SLC10A6: variants seen among roughly 807,000 people sequenced by gnomAD.
SLC10A6 encodes solute carrier family 10 member 6, also known as sodium-dependent organic anion transporter.
Under a neutral mutation model 30.0 loss-of-function variants are expected in SLC10A6, and 27 were observed. That is an observed-to-expected ratio of 0.90 (90% CI 0.66 to 1.24). The LOEUF (loss-of-function observed/expected upper bound fraction) is 1.24. SLC10A6 is among the 50% of genes most tolerant of loss of function. The probability of loss-of-function intolerance (pLI) is 0.00; values close to 1 mark genes in which losing one functional copy is unlikely to be tolerated. For synonymous variants in SLC10A6, 166 were observed against 173.8 expected, an observed-to-expected ratio of 0.95 and a Z score of 0.36; for missense variants, 439 against 457.0, an observed-to-expected ratio of 0.96 and a Z score of 0.36.
chr4:86,838,919 A>G (rs1746246905), intron 1 of SLC10A6, among the ~76,000 whole-genome samples: 1 of 150,642 alleles, frequency 6.6e-6, no homozygotes, highest in Non-Finnish European at 1.5e-5. Context: ...TCTCAAAAAA[A>G]AAAAAAAAAA....
intron 1 of SLC10A6, among the ~76,000 whole-genome samples, chr4:86,837,850 T>TA (rs1746227212): frequency 6.6e-6 from 1 of 152,234 alleles, no homozygotes; most frequent in Admixed American, 6.5e-5. Flanking sequence ...AAGGCACAAA[T>TA]GACTGACAGA....
chr4:86,843,003 C>T (rs535945250), intron 1 of SLC10A6, among the ~76,000 whole-genome samples: 6 of 151,622 alleles, frequency 4.0e-5, no homozygotes, highest in South Asian at 2.1e-4. Flanking sequence ...TCCTGAGTAG[C>T]TGGCATTACA....
At chr4:86,830,885 C>G (rs1445958662) in intron 3 of SLC10A6, among the ~76,000 whole-genome samples, 1 of 152,148 alleles carries the variant, frequency 6.6e-6, no homozygotes, top group African/African-American at 2.4e-5. Flanking sequence ...CTTCTATCTG[C>G]TAAAGTGATA....
At chr4:86,829,218 C>A (rs1300192768) in intron 3 of SLC10A6, among the ~76,000 whole-genome samples, 1 of 152,062 alleles carries the variant, frequency 6.6e-6, no homozygotes, top group African/African-American at 2.4e-5. Flanking sequence ...CAAGACCATC[C>A]AGCCAACATG....
At chr4:86,839,922 T>A (rs540629190) in intron 1 of SLC10A6, among the ~76,000 whole-genome samples, 388 of 151,312 alleles carry the variant, frequency 2.6e-3, no homozygotes, top group East Asian at 0.014. Flanking sequence ...TTTTATTTTT[T>A]TTTTTTAGCT....
At chr4:86,837,290 A>AAAGAAAGAGAAAGG (rs1746211407) in intron 1 of SLC10A6, among the ~76,000 whole-genome samples, 2 of 62,754 alleles carry the variant, frequency 3.2e-5, no homozygotes, top group South Asian at 5.6e-4. Flanking sequence ...AAAGAAAAAG[A>AAAGAAAGAGAAAGG]AAGGAAGGAA....
chr4:86,826,377 G>C (rs920293813), intron 4 of SLC10A6, among the ~76,000 whole-genome samples: 1 of 151,964 alleles, frequency 6.6e-6, no homozygotes, highest in Non-Finnish European at 1.5e-5. Flanking sequence ...TCAGGAGTTC[G>C]AGACCAGCCT....
chr4:86,825,617 A>G lies in SLC10A6; in HGVS notation c.762-40T>C, dbSNP rs373403468. ...ATGTTTCAAGAGTAACGCACTAGCA[A>G]TAAGAACTATTCTAATATTTTCTCA... On this transcript the variant is annotated intron_variant, in intron 4 of 5. Coordinates refer to ENST00000273905, the MANE Select transcript of SLC10A6 (RefSeq NM_197965.3). 17 of 1,545,402 alleles carry G rather than the reference A, an allele frequency of 1.1e-5. No individual in the cohort carries two copies. In the African/African-American group the frequency reaches 2.2e-4, roughly 20 times the overall value.
In SLC10A6 at chr4:86,848,779, TAG is replaced by T; in HGVS notation, c.335_336del (p.Ser112Ter). ...CCATCAACCCAGAAGGTGAAAATGTTAGAGATGGTGCCCCCCGGGCAGCAGCC... is the reference window on the plus strand; with the variant it reads ...CCATCAACCCAGAAGGTGAAAATGTTAGATGGTGCCCCCCGGGCAGCAGCC... ...IMGCCPGGTI[S>X]NIFTFWVDGD... On this transcript the variant is annotated frameshift_variant, in exon 1 of 6. Transcript: ENST00000273905. LOFTEE classifies it high-confidence loss of function. 2.5e-6 allele frequency: 4 copies of T among 1,609,010 alleles called. No homozygotes were observed. Among genetic ancestry groups the T allele is most frequent in the Non-Finnish European group, 3.4e-6 (4 of 1,177,902 alleles).
At position 86,849,081 on chromosome 4, in the gene SLC10A6, G is replaced by A. The variant is rs1455739475; in HGVS notation, c.35C>T (p.Pro12Leu). The stretch of plus-strand genomic sequence containing the variant: ...CAGCTCCTCCTCTGAACTGTTGGCA[G>A]GGCAGGCTGAGCTGCTGGAACAATT... ...RANCSSSSAC[P>L]ANSSEEELPV... The change falls in exon 1 of 6, where the codon CCT becomes CTT. Residue 12 changes from proline (P) to leucine (L), a missense_variant. Transcript: ENST00000273905. The A allele has an allele frequency of 6.2e-6, 10 of 1,614,056 alleles. No homozygotes were observed. Among genetic ancestry groups the A allele is most frequent in the Non-Finnish European group, 5.9e-6 (7 of 1,179,978 alleles).
intron 5 of SLC10A6, among the ~76,000 whole-genome samples, chr4:86,824,205 C>G (rs1272230161): frequency 6.7e-6 from 1 of 150,252 alleles, no homozygotes; most frequent in Non-Finnish European, 1.5e-5. Flanking sequence ...AGCTAGTCAG[C>G]TGGCAAATAC....
chr4:86,832,340 T>A (rs1276329583), intron 2 of SLC10A6, among the ~76,000 whole-genome samples: 1 of 152,040 alleles, frequency 6.6e-6, no homozygotes, highest in Non-Finnish European at 1.5e-5. Flanking sequence ...CACGGTGGCT[T>A]ACACCTGTAA....
At chr4:86,842,874 C>CTTTCTTTCTTTCTTTCTTTCTTTCTT (rs1560461934) in intron 1 of SLC10A6, among the ~76,000 whole-genome samples, 2 of 42,788 alleles carry the variant, frequency 4.7e-5, no homozygotes, top group Admixed American at 2.1e-4. Flanking sequence ...TTCTTTCTTT[C>CTTTCTTTCTTTCTTTCTTTCTTTCTT]TTTTTTTTTT....
chr4:86,833,972 C>T (rs114434286), intron 1 of SLC10A6, among the ~76,000 whole-genome samples: 3,229 of 152,190 alleles, frequency 0.021, 110 homozygotes, highest in African/African-American at 0.073. Context: ...TACATGCAGC[C>T]TTTTTTCTGT....
intron 1 of SLC10A6, among the ~76,000 whole-genome samples, chr4:86,840,240 T>G (rs537464954): frequency 1.3e-5 from 2 of 152,122 alleles, no homozygotes; most frequent in Admixed American, 1.3e-4. Context: ...TTCTATCAGG[T>G]TGTGCTTTCT....
chr4:86,840,255 T>C (rs1377052909), intron 1 of SLC10A6, among the ~76,000 whole-genome samples: 5 of 152,100 alleles, frequency 3.3e-5, no homozygotes, highest in Admixed American at 6.6e-5. Flanking sequence ...CTTTCTTTCA[T>C]GTCAAGTGGC....
At chr4:86,837,284 AAAAAGAAAGGAAGGAAGGAAGG>A in intron 1 of SLC10A6, among the ~76,000 whole-genome samples, 1 of 103,474 alleles carries the variant, frequency 9.7e-6, no homozygotes, top group South Asian at 3.2e-4. Context: ...AGAAAGAAAG[AAAAAGAAAGGAAGGAAGGAAGG>A]AAGGAAGGAA....
At chr4:86,825,900 G>A (rs1475236310) in intron 4 of SLC10A6, among the ~76,000 whole-genome samples, 2 of 152,192 alleles carry the variant, frequency 1.3e-5, no homozygotes, top group East Asian at 3.8e-4. Flanking sequence ...AGGGGTGAGA[G>A]AAGGCTTCAC....
At chr4:86,824,920 T>C (rs1176427484) in intron 5 of SLC10A6, among the ~76,000 whole-genome samples, 1 of 152,250 alleles carries the variant, frequency 6.6e-6, no homozygotes, top group Non-Finnish European at 1.5e-5. Context: ...CAATCACATG[T>C]GCATACACAT....
Sources: gnomAD v4.1 joint callset for allele counts (sites outside exome capture counted in the v4.1 genomes callset) on GRCh38, gnomAD v4.1.1 for gene constraint, MANE v1.5 for transcripts, NCBI Gene and HGNC (gene_info 2026-07-23, HGNC 2026-07-21) for gene names.